USP7: variants seen among roughly 807,000 people sequenced by gnomAD.
USP7 encodes the protein ubiquitin C-terminal hydrolase 7.
A neutral mutation model predicts 162.9 loss-of-function variants in USP7; 9 were observed. The observed-to-expected ratio is 0.06, with a 90% CI of 0.03 to 0.10. The LOEUF (loss-of-function observed/expected upper bound fraction) is 0.10, where lower values mean the gene tolerates loss of function less well. USP7 is among the 10% of genes least tolerant of loss of function. The pLI is 1.00. For missense variants in USP7, 715 were observed against 1,373.7 expected (o/e 0.52, Z 7.58); for synonymous variants, 562 against 475.9 (o/e 1.18, Z -2.35).
intron 2 of USP7, among the ~76,000 whole-genome samples, chr16:8,925,533 T>C (rs530194401): frequency 6.6e-5 from 10 of 152,314 alleles, no homozygotes; most frequent in African/African-American, 2.2e-4. Flanking sequence ...ACCCTATACA[T>C]TAAATTTTCC....
rs765608418 is a variant in USP7 at position 8,903,252 on chromosome 16, C to A, written c.1839+16G>T. The A allele has an allele frequency of 1.2e-6, 2 of 1,604,374 alleles. No individual in the cohort carries two copies. Among genetic ancestry groups the A allele is most frequent in the Admixed American group, 1.7e-5 (1 of 59,082 alleles). The stretch of plus-strand genomic sequence containing the variant: ...TGGGAGCCACGGTGGGGTATATCCA[C>A]GGGACCGGTACGCACCATGGTCTGA... On this transcript the variant is annotated intron_variant, in intron 16 of 30. Transcript: ENST00000344836.
intron 6 of USP7, 23 bp downstream of exon 6, chr16:8,919,008 G>A (rs1446405357): frequency 4.3e-6 from 7 of 1,609,750 alleles, no homozygotes; most frequent in African/African-American, 1.3e-5. Flanking sequence ...GAAGGCTGCA[G>A]GAGAGGAACA....
intron 22 of USP7, 78 bp downstream of exon 22, chr16:8,899,526 T>A: frequency 6.4e-7 from 1 of 1,562,476 alleles, no homozygotes; most frequent in Non-Finnish European, 8.7e-7. Context: ...TGAGATAGCT[T>A]CTTCAACAAG....
rs928528038 is a variant in USP7 at position 8,895,842 on chromosome 16, T to C, written c.2820-101A>G. ...AGAAATAAAGTTACCACGATATGTT[T>C]TTTTTTTTTTTTTTGAGACAGTCTC... On this transcript the variant is annotated intron_variant, in intron 26 of 30. Coordinates refer to ENST00000344836, the MANE Select transcript of USP7 (RefSeq NM_003470.3). The C allele has an allele frequency of 1.9e-5, 5 of 257,266 alleles. No homozygotes were observed. The East Asian group carries it at 4.1e-4, about 21-fold the overall frequency. 15.9% of individuals were successfully genotyped at this position (257,266 alleles called of 1,614,324 possible).
In USP7 at chr16:8,963,762, G is replaced by T. The variant is rs1900118247; in HGVS notation, c.-477C>A. ...GCGGGCCCTGGGGCCGGCGGGAGCG[G>T]CGGAGCGGGCGGGCGACGGGCCGGC... is the stretch of plus-strand genomic sequence containing the variant. On this transcript the variant is annotated 5_prime_UTR_variant, in exon 1 of 31. Transcript: ENST00000344836. Among the ~76,000 whole-genome samples, 1 of 144,472 alleles carries T rather than the reference G, an allele frequency of 6.9e-6. No homozygotes were observed. The highest frequency in any genetic ancestry group is 1.5e-5 in the Non-Finnish European group (1 of 65,186). The allele number at this position is 144,472 out of a possible 152,430, so 94.8% of individuals were successfully genotyped here.
chr16:8,935,652 A>G (rs781594829), intron 1 of USP7: 3 of 152,242 alleles, frequency 2.0e-5, no homozygotes, highest in Non-Finnish European at 2.9e-5. Flanking sequence ...CCATCCCATA[A>G]TACGCATATC....
At chr16:8,933,305 G>C (rs533471748) in intron 1 of USP7, among the ~76,000 whole-genome samples, 5 of 152,166 alleles carry the variant, frequency 3.3e-5, no homozygotes, top group African/African-American at 9.6e-5. Flanking sequence ...CAGCACTTGT[G>C]GGGGGCCAAG....
chr16:8,901,145 T>G lies in USP7; in HGVS notation c.2137A>C (p.Ile713Leu). 1 of 1,613,652 alleles carries G rather than the reference T, an allele frequency of 6.2e-7. No individual in the cohort carries two copies. Among genetic ancestry groups the G allele is most frequent in the Non-Finnish European group, 8.5e-7 (1 of 1,179,584 alleles). ...GHIYTPISCK[I>L]RDLLPVMCDR... is the part of the protein sequence containing the mutation. ...GGTAAGTGCACGAAGGACTTACGTA[T>G]TTTACAGGATATTGGTGTGTAGATA... The change falls in exon 19 of 31, where the codon ATA becomes CTA. Residue 713 changes from isoleucine (I) to leucine (L), a missense_variant. Ile to Leu is a conservative substitution (Grantham distance 5, BLOSUM62 2). Around this residue, in one of 11 missense-constraint regions of USP7, gnomAD observed 197 missense variants for 306.5 expected, o/e 0.64. Coordinates refer to ENST00000344836, the MANE Select transcript of USP7 (RefSeq NM_003470.3).
At position 8,917,168 on chromosome 16, in the gene USP7, A is replaced by T. The variant is rs1030741610; in HGVS notation, c.721-12T>A. Reference sequence around the variant, plus strand: ...ATCATGTACACAGCCTGAAACAATTAAGAAATAAGAATTTTTACTCTGAGA... The same window carrying T: ...ATCATGTACACAGCCTGAAACAATTTAGAAATAAGAATTTTTACTCTGAGA... On this transcript the variant is annotated splice_polypyrimidine_tract_variant and intron_variant, in intron 6 of 30. Transcript: ENST00000344836. The T allele has an allele frequency of 6.3e-7, 1 of 1,580,900 alleles. No individual in the cohort carries two copies. The highest frequency in any genetic ancestry group is 2.0e-5 in the Admixed American group (1 of 50,268).
intron 11 of USP7, among the ~76,000 whole-genome samples, chr16:8,909,696 G>C (rs1001179129): frequency 6.6e-6 from 1 of 152,192 alleles, no homozygotes; most frequent in East Asian, 1.9e-4. Context: ...GGGAGGCCGA[G>C]GCAGGCGGAT....
chr16:8,917,776 C>T (rs774680665), intron 6 of USP7, among the ~76,000 whole-genome samples: 4 of 152,078 alleles, frequency 2.6e-5, no homozygotes, highest in Admixed American at 6.5e-5. Flanking sequence ...CTTATTGGAG[C>T]ACCATTTCTT....
chr16:8,929,692 C>G (rs886123421), intron 2 of USP7: 1 of 396,778 alleles, frequency 2.5e-6, no homozygotes, highest in South Asian at 1.8e-5. Context: ...ATTGAGGTCA[C>G]TAATTTGATA....
intron 1 of USP7, among the ~76,000 whole-genome samples, chr16:8,951,965 G>A (rs1181249868): frequency 1.3e-5 from 2 of 152,218 alleles, no homozygotes; most frequent in Admixed American, 6.5e-5. Flanking sequence ...AAAGCATGTG[G>A]GGAACCACAC....
chr16:8,957,695 C>T (rs1899864944), intron 1 of USP7, among the ~76,000 whole-genome samples: 1 of 151,632 alleles, frequency 6.6e-6, no homozygotes, highest in African/African-American at 2.4e-5. Flanking sequence ...AAGTTTAAGG[C>T]TGCAGTGAGC....
intron 1 of USP7, chr16:8,956,218 A>G (rs1330730963): frequency 6.6e-6 from 1 of 152,192 alleles, no homozygotes; most frequent in African/African-American, 2.4e-5. Flanking sequence ...AGGCAGGAAA[A>G]TCACATGACC....
rs140810358 is a variant in USP7 at position 8,913,775 on chromosome 16, G to T, written c.1078+1479C>A. ...TATTTTATTTTACTTTCTTGAGAGA[G>T]ATACTTGCTCTGTTGCCCAGGCTGC... is the stretch of plus-strand genomic sequence containing the variant. On this transcript the variant is annotated intron_variant, in intron 10 of 30. Transcript: ENST00000344836. 1.5e-3 allele frequency among the ~76,000 whole-genome samples: 231 copies of T among 152,116 alleles called. 1 individual carries two copies. Among genetic ancestry groups the T allele is most frequent in the African/African-American group, 5.2e-3 (216 of 41,400 alleles).
At chr16:8,959,980 C>T (rs919236736) in intron 1 of USP7, among the ~76,000 whole-genome samples, 4 of 152,092 alleles carry the variant, frequency 2.6e-5, no homozygotes, top group Non-Finnish European at 4.4e-5. Context: ...AAGAACCACA[C>T]CAGGGAAAAA....
rs530191108 is a variant in USP7 at position 8,920,402 on chromosome 16, T to C, written c.568A>G (p.Thr190Ala). The stretch of plus-strand genomic sequence containing the variant: ...TCCGCCTGTACAAAGACTTCAAAGG[T>C]AACTTTGTCATCATCTATAAATCCT... ...EKGFIDDDKV[T>A]FEVFVQADAP... Residue 190 changes from threonine (T) to alanine (A), a missense_variant, in exon 5 of 31, where the codon ACC becomes GCC. Around this residue, in one of 11 missense-constraint regions of USP7, gnomAD observed 30 missense variants for 27.6 expected, o/e 1.09. Transcript: ENST00000344836. 10 of 1,613,658 alleles carry C rather than the reference T, an allele frequency of 6.2e-6. No homozygotes were observed. Among genetic ancestry groups the C allele is most frequent in the East Asian group, 2.2e-5 (1 of 44,888 alleles).
In USP7 at chr16:8,903,340, C is replaced by A; in HGVS notation, c.1767G>T (p.Val589=). The change falls in exon 16 of 31, where the codon GTG becomes GTT. Residue 589 remains valine, a synonymous_variant. Transcript: ENST00000344836. Reference sequence around the variant, plus strand: ...TCAATACTTTGAACACAGTGTATTTCACTTTTTCTTCATCGTACATGTCAT... The same window carrying A: ...TCAATACTTTGAACACAGTGTATTTAACTTTTTCTTCATCGTACATGTCAT... ...QGNDMYDEEK[V]KYTVFKVLKN... 1.9e-6 allele frequency: 3 copies of A among 1,614,190 alleles called. No individual in the cohort carries two copies. The highest frequency in any genetic ancestry group is 2.5e-6 in the Non-Finnish European group (3 of 1,180,020).
Sources: gnomAD v4.1 joint callset for allele counts (sites outside exome capture counted in the v4.1 genomes callset) on GRCh38, gnomAD v4.1.1 for gene constraint, gnomAD v4.1.1 regional missense constraint, MANE v1.5 for transcripts, NCBI Gene and HGNC (gene_info 2026-07-23, HGNC 2026-07-21) for gene names.